OTOGL: variants seen among roughly 807,000 people sequenced by gnomAD.
OTOGL encodes otogelin like.
A neutral mutation model predicts 318.5 loss-of-function variants in OTOGL; 285 were observed. That is an observed-to-expected ratio of 0.89 (90% confidence interval 0.81 to 0.99). OTOGL has a LOEUF of 0.99. Ranked by LOEUF, OTOGL falls within the 50% of genes least tolerant of loss-of-function variation. The pLI is 0.00. For synonymous variants in OTOGL, 987 were observed against 936.5 expected (o/e 1.05, Z -0.99); for missense variants, 2,899 against 2,845.6 (o/e 1.02, Z -0.43).
intron 1 of OTOGL, among the ~76,000 whole-genome samples, chr12:80,105,020 A>G (rs997878412): frequency 6.6e-6 from 1 of 151,996 alleles, no homozygotes; most frequent in African/African-American, 2.4e-5. Flanking sequence ...CGCTTGAACC[A>G]GGGAGGTGGG....
rs1888585714 is a variant in OTOGL at position 80,339,081 on chromosome 12, G to C, written c.4867G>C (p.Val1623Leu). 6.2e-7 allele frequency: 1 copy of C among 1,602,624 alleles called. No individual in the cohort carries two copies. The highest frequency in any genetic ancestry group is 1.3e-5 in the African/African-American group (1 of 74,514). Reference protein sequence around the residue: ...IVNRLARKVEVDSIVVPLPFS... With the variant: ...IVNRLARKVELDSIVVPLPFS... ...TGTATTTATGTTATTCTAGGTAGAA[G>C]TGGATTCCATTGTTGTGCCTTTGCC... The change falls in exon 43 of 59, where the codon GTG becomes CTG. Residue 1623 changes from valine to leucine, a missense_variant. Around this residue, in one of 3 missense-constraint regions of OTOGL, gnomAD observed 2,607 missense variants for 2,524.9 expected, o/e 1.03. Transcript: ENST00000547103.
intron 9 of OTOGL, among the ~76,000 whole-genome samples, chr12:80,236,510 G>C (rs1313954141): frequency 2.0e-5 from 3 of 152,154 alleles, no homozygotes; most frequent in African/African-American, 7.2e-5. Flanking sequence ...TGAACTCTAA[G>C]GGATTGGCCA....
At chr12:80,349,607 T>C (rs969269432) in intron 44 of OTOGL, among the ~76,000 whole-genome samples, 2 of 152,144 alleles carry the variant, frequency 1.3e-5, no homozygotes, top group Non-Finnish European at 2.9e-5. Context: ...CTAATGGCAA[T>C]ATAGGCTTCT....
At position 80,285,148 on chromosome 12, in the gene OTOGL, T is replaced by A. The variant is rs560877687; in HGVS notation, c.2928+5982T>A. Among the ~76,000 whole-genome samples, 27 of 152,292 alleles carry A rather than the reference T, an allele frequency of 1.8e-4. No homozygotes were observed. In the South Asian group the frequency reaches 5.6e-3, roughly 32 times the overall value. ...ATTTAATAGGGAATCCTTTCCCTAT[T>A]GCTTGTTTTTGTCAGATTTGTCAAA... is the stretch of plus-strand genomic sequence containing the variant. On this transcript the variant is annotated intron_variant, in intron 26 of 58. Transcript: ENST00000547103.
At chr12:80,170,178 G>GGTGTGTGTGTGT (rs532627744) in intron 1 of OTOGL, among the ~76,000 whole-genome samples, 3 of 144,064 alleles carry the variant, frequency 2.1e-5, no homozygotes, top group African/African-American at 7.8e-5. Context: ...CTTTGTCAGG[G>GGTGTGTGTGTGT]GTGTGTGTGT....
At chr12:80,321,798 A>G (rs1281434019) in intron 34 of OTOGL, among the ~76,000 whole-genome samples, 5 of 152,120 alleles carry the variant, frequency 3.3e-5, no homozygotes. Flanking sequence ...TAGTGTGGTG[A>G]CATACTCACA....
chr12:80,203,993 C>G (rs1876639329), intron 1 of OTOGL, among the ~76,000 whole-genome samples: 2 of 152,148 alleles, frequency 1.3e-5, no homozygotes, highest in African/African-American at 4.8e-5. Flanking sequence ...GAAGAGAAGA[C>G]TGAAGAAAAC....
chr12:80,109,658 T>G lies in OTOGL; in HGVS notation c.-20+10053T>G, dbSNP rs144856633. Among the ~76,000 whole-genome samples, 1,150 of 152,338 alleles carry G rather than the reference T, an allele frequency of 7.5e-3. 6 individuals are homozygous for G. Among genetic ancestry groups the G allele is most frequent in the Non-Finnish European group, 9.8e-3 (665 of 68,038 alleles). The stretch of plus-strand genomic sequence containing the variant: ...CATGTCTCTTCAATTTATTTCATTA[T>G]TGGCCAGAGTAACACCTGATTGGCC... On this transcript the variant is annotated intron_variant, in intron 1 of 58. Coordinates refer to ENST00000547103, the MANE Select transcript of OTOGL (RefSeq NM_001378609.3).
Position 80,254,514 on chromosome 12 carries a change from T to C in OTOGL, c.1395-10T>C, listed in dbSNP as rs1389886660. ...TGCCAATAGATTAATATTTTTATAA[T>C]TTCTTTTAGTGTGTGTGTTGGTGGA... On this transcript the variant is annotated splice_polypyrimidine_tract_variant and intron_variant, in intron 14 of 58. Transcript: ENST00000547103. 1 of 1,597,492 alleles carries C rather than the reference T, an allele frequency of 6.3e-7. No homozygotes were observed. Among genetic ancestry groups the C allele is most frequent in the Non-Finnish European group, 8.6e-7 (1 of 1,168,832 alleles).
intron 4 of OTOGL, 68 bp from the exon 5 acceptor site, chr12:80,217,530 C>A: frequency 9.2e-7 from 1 of 1,091,528 alleles, no homozygotes; most frequent in Non-Finnish European, 1.3e-6. Flanking sequence ...TCTAGATTTG[C>A]CAATTTGCAT....
chr12:80,152,936 C>T (rs1872879554), intron 1 of OTOGL, among the ~76,000 whole-genome samples: 2 of 152,200 alleles, frequency 1.3e-5, no homozygotes, highest in Admixed American at 1.3e-4. Context: ...TCAGGTGGTC[C>T]ACCTGCCTCG....
At chr12:80,233,128 CT>C (rs778534899) in intron 9 of OTOGL, 31 bp downstream of exon 9, 61 of 1,518,066 alleles carry the variant, frequency 4.0e-5, no homozygotes, top group Non-Finnish European at 5.0e-5. Flanking sequence ...GTGTGGGTAC[CT>C]TCTAAAGCCT....
At chr12:80,175,041 T>C (rs1874443436) in intron 1 of OTOGL, among the ~76,000 whole-genome samples, 1 of 152,024 alleles carries the variant, frequency 6.6e-6, no homozygotes, top group Non-Finnish European at 1.5e-5. Flanking sequence ...GGGTGTCTTA[T>C]CAAAAACACA....
rs139291173 is a variant in OTOGL at position 80,348,742 on chromosome 12, T to G, written c.5266-3553T>G. ...CGTCTTGTGCTACACTCTTCTTGTT[T>G]GCTAAGCTCCAACCATTGTTGCCTC... On this transcript the variant is annotated intron_variant, in intron 44 of 58. Coordinates refer to ENST00000547103, the MANE Select transcript of OTOGL (RefSeq NM_001378609.3). 1.8e-3 allele frequency among the ~76,000 whole-genome samples: 268 copies of G among 152,338 alleles called. 1 individual carries two copies. Among genetic ancestry groups the G allele is most frequent in the Middle Eastern group, 6.8e-3 (2 of 294 alleles).
At chr12:80,325,299 T>C (rs1887609293) in intron 35 of OTOGL, among the ~76,000 whole-genome samples, 1 of 152,160 alleles carries the variant, frequency 6.6e-6, no homozygotes, top group Non-Finnish European at 1.5e-5. Flanking sequence ...GCACAGTCTT[T>C]GGAAGGAAAC....
chr12:80,377,954 G>A lies in OTOGL; in HGVS notation c.6968G>A (p.Arg2323Gln), dbSNP rs143495342. The change falls in exon 59 of 59, where the codon CGA (arginine) becomes CAA (glutamine). Residue 2323 changes from arginine to glutamine, a missense_variant. Arg to Gln is a conservative substitution (Grantham distance 43, BLOSUM62 1). This residue lies in a region of OTOGL where 289 missense variants were observed against 304.6 expected (regional missense o/e 0.95). Coordinates refer to ENST00000547103, the MANE Select transcript of OTOGL (RefSeq NM_001378609.3). ...AAGTGTTGTCGTGAAAATGGAGTAC[G>A]AAACTTGTCTGTGCCTCTGTATTGC... Reference protein sequence around the residue: ...FCKCCRENGVRNLSVPLYCSG... With the variant: ...FCKCCRENGVQNLSVPLYCSG... The A allele has an allele frequency of 1.6e-3, 2,543 of 1,608,672 alleles. 4 individuals carry two copies. Among genetic ancestry groups the A allele is most frequent in the African/African-American group, 1.9e-3 (139 of 74,966 alleles).
intron 4 of OTOGL, among the ~76,000 whole-genome samples, 170 bp downstream of exon 4, chr12:80,212,167 G>A (rs565638971): frequency 9.2e-5 from 14 of 152,126 alleles, no homozygotes; most frequent in Admixed American, 2.6e-4. Context: ...TACGACCATC[G>A]AATTCATGCT....
intron 24 of OTOGL, among the ~76,000 whole-genome samples, chr12:80,275,831 T>G (rs1052497267): frequency 3.3e-5 from 5 of 151,704 alleles, no homozygotes; most frequent in African/African-American, 1.2e-4. Context: ...GCTCAGATGA[T>G]CATTAACTTT....
intron 58 of OTOGL, 96 bp downstream of exon 58, chr12:80,377,298 A>C: frequency 1.3e-6 from 1 of 773,994 alleles, no homozygotes; most frequent in Non-Finnish European, 2.1e-6. Context: ...CAAACTGCCA[A>C]CGCTTAACAA....
Sources: allele counts gnomAD v4.1 joint callset (sites outside exome capture counted in the v4.1 genomes callset), GRCh38; gene constraint gnomAD v4.1.1; regional missense constraint gnomAD v4.1.1; transcripts MANE v1.5; gene names NCBI Gene and HGNC (gene_info 2026-07-23, HGNC 2026-07-21).